CLINT1: variants seen among roughly 807,000 people sequenced by gnomAD.
The protein encoded by CLINT1 is clathrin interacting protein localized in the trans-Golgi region.
Under a neutral mutation model 70.4 loss-of-function variants are expected in CLINT1, and 15 were observed. The observed-to-expected ratio is 0.21, with a 90% CI of 0.14 to 0.33. The LOEUF (loss-of-function observed/expected upper bound fraction) is 0.33. Ranked by LOEUF, CLINT1 falls within the 10% of genes least tolerant of loss-of-function variation. The probability of loss-of-function intolerance (pLI) is 1.00; values close to 1 mark genes in which losing one functional copy is unlikely to be tolerated. For synonymous variants in CLINT1, 227 were observed against 254.7 expected (o/e 0.89, Z 1.04); for missense variants, 615 against 778.1 (o/e 0.79, Z 2.49).
chr5:157,840,991 G>C (rs1244682348), intron 1 of CLINT1, among the ~76,000 whole-genome samples: 1 of 152,172 alleles, frequency 6.6e-6, no homozygotes, highest in Non-Finnish European at 1.5e-5. Context: ...GTCAGGTGCA[G>C]TGGTTCACAC....
intron 9 of CLINT1, among the ~76,000 whole-genome samples, chr5:157,794,001 T>C (rs937058961): frequency 1.3e-5 from 2 of 152,118 alleles, no homozygotes; most frequent in African/African-American, 2.4e-5. Context: ...TTTAAAAATA[T>C]TGTCTCAAAC....
intron 8 of CLINT1, among the ~76,000 whole-genome samples, chr5:157,801,725 C>A (rs1471661465): frequency 6.6e-6 from 1 of 151,986 alleles, no homozygotes; most frequent in East Asian, 1.9e-4. Context: ...CCCAGCTACT[C>A]GAGAAGCTTA....
chr5:157,792,802 A>AT (rs1761958126), intron 9 of CLINT1, among the ~76,000 whole-genome samples: 1 of 152,206 alleles, frequency 6.6e-6, no homozygotes, highest in Non-Finnish European at 1.5e-5. Context: ...CCTCTGATCA[A>AT]TTTTTATATT....
intron 1 of CLINT1, among the ~76,000 whole-genome samples, chr5:157,846,234 A>G (rs1043738651): frequency 9.9e-5 from 15 of 152,242 alleles, no homozygotes; most frequent in African/African-American, 3.6e-4. Context: ...CTCTTGTGCC[A>G]AAAAGTTAGG....
At chr5:157,832,407 T>C (rs1186454787) in intron 1 of CLINT1, among the ~76,000 whole-genome samples, 1 of 152,216 alleles carries the variant, frequency 6.6e-6, no homozygotes, top group Non-Finnish European at 1.5e-5. Context: ...GGGCATATCA[T>C]AAAGCTGAGC....
chr5:157,835,481 TATAA>T (rs1485716493), intron 1 of CLINT1, among the ~76,000 whole-genome samples: 1 of 152,168 alleles, frequency 6.6e-6, no homozygotes, highest in African/African-American at 2.4e-5. Context: ...AAGGCGACTT[TATAA>T]AACATAGCTA....
chr5:157,804,087 A>G (rs948894885), intron 7 of CLINT1, among the ~76,000 whole-genome samples: 2 of 151,846 alleles, frequency 1.3e-5, no homozygotes, highest in East Asian at 1.9e-4. Context: ...AGTCCCATAC[A>G]ATACACTGAG....
intron 1 of CLINT1, among the ~76,000 whole-genome samples, chr5:157,845,379 A>T (rs996735750): frequency 2.0e-5 from 3 of 151,790 alleles, no homozygotes; most frequent in African/African-American, 7.3e-5. Context: ...AAATAAAATA[A>T]AAATTAAGTA....
intron 7 of CLINT1, among the ~76,000 whole-genome samples, chr5:157,804,140 T>A (rs934298391): frequency 6.6e-6 from 1 of 151,978 alleles, no homozygotes; most frequent in African/African-American, 2.4e-5. Flanking sequence ...CTTGGCCTGT[T>A]AAAGTCTTAC....
At chr5:157,845,640 C>G (rs930299480) in intron 1 of CLINT1, among the ~76,000 whole-genome samples, 9 of 151,616 alleles carry the variant, frequency 5.9e-5, no homozygotes, top group Non-Finnish European at 1.2e-4. Flanking sequence ...CAAGCTCCGC[C>G]TCCCGGGTTC....
chr5:157,789,137 C>T (rs1464409095), intron 11 of CLINT1, among the ~76,000 whole-genome samples: 1 of 151,966 alleles, frequency 6.6e-6, no homozygotes, highest in Non-Finnish European at 1.5e-5. Context: ...TTAAAACTCT[C>T]CACAATACAA....
chr5:157,823,836 G>A, intron 1 of CLINT1: 4 of 239,146 alleles, frequency 1.7e-5, no homozygotes, highest in Middle Eastern at 2.1e-3. Flanking sequence ...ATGAGCAGTG[G>A]CGAGCGAGCG....
At chr5:157,790,414 G>A in intron 10 of CLINT1, 1 of 284,294 alleles carries the variant, frequency 3.5e-6, no homozygotes, top group Non-Finnish European at 6.8e-6. Flanking sequence ...GAAAGAAGCA[G>A]AGGTTCCTAG....
chr5:157,791,779 G>T lies in CLINT1; in HGVS notation c.1304C>A (p.Thr435Lys). 1 of 1,614,010 alleles carries T rather than the reference G, an allele frequency of 6.2e-7. No homozygotes were observed. The highest frequency in any genetic ancestry group is 1.3e-5 in the African/African-American group (1 of 75,048). Residue 435 changes from threonine (T) to lysine (K), a missense_variant, in exon 10 of 12, where the codon ACA becomes AAA. Transcript: ENST00000411809. ...AGAGAAATTCATACTCTGGGAAGAT[G>T]TCATGGTTGCCTGGGACGAGCCCAT... The part of the protein sequence containing the change: ...DLMGSSQATM[T>K]SSQSMNFSMM...
chr5:157,828,313 G>A (rs1022011476), intron 1 of CLINT1, among the ~76,000 whole-genome samples: 41 of 152,260 alleles, frequency 2.7e-4, no homozygotes, highest in African/African-American at 9.6e-4. Flanking sequence ...GAAAAATTGT[G>A]ACGTTAAGGG....
intron 5 of CLINT1, among the ~76,000 whole-genome samples, 181 bp from the exon 6 acceptor site, chr5:157,809,986 A>C (rs1445470099): frequency 6.6e-6 from 1 of 152,220 alleles, no homozygotes; most frequent in African/African-American, 2.4e-5. Context: ...CCAGTCATTA[A>C]GTGGCAGGAA....
intron 10 of CLINT1, chr5:157,790,781 T>C (rs1250009880): frequency 1.6e-5 from 5 of 317,020 alleles, no homozygotes; most frequent in Non-Finnish European, 2.5e-5. Flanking sequence ...TCTAAGCTAG[T>C]ACTAGGTAAT....
intron 7 of CLINT1, among the ~76,000 whole-genome samples, chr5:157,804,319 C>T (rs1305571578): frequency 6.6e-6 from 1 of 152,046 alleles, no homozygotes; most frequent in Non-Finnish European, 1.5e-5. Context: ...ATATTTAGTT[C>T]CCCAACTAAA....
At chr5:157,807,977 T>C (rs1353224487) in intron 6 of CLINT1, among the ~76,000 whole-genome samples, 1 of 152,126 alleles carries the variant, frequency 6.6e-6, no homozygotes, top group African/African-American at 2.4e-5. Flanking sequence ...TCAAGACTGT[T>C]TGAAAAACTG....
Sources: gnomAD v4.1 joint callset for allele counts (sites outside exome capture counted in the v4.1 genomes callset) on GRCh38, gnomAD v4.1.1 for gene constraint, MANE v1.5 for transcripts, NCBI Gene and HGNC (gene_info 2026-07-23, HGNC 2026-07-21) for gene names.